RGS7: variants seen among roughly 807,000 people sequenced by gnomAD.
RGS7 encodes regulator of G-protein signaling 7.
Under a neutral mutation model 81.1 loss-of-function variants are expected in RGS7, and 27 were observed. That is an observed-to-expected ratio of 0.33 (90% CI 0.25 to 0.46). The LOEUF is 0.46. RGS7 is among the 20% of genes least tolerant of loss of function. RGS7 has a pLI of 1.00. For missense variants in RGS7, 396 were observed against 607.4 expected, an observed-to-expected ratio of 0.65 and a Z score of 3.66; for synonymous variants, 208 against 207.7, an observed-to-expected ratio of 1.00 and a Z score of -0.01.
At chr1:241,332,479 T>C (rs1301760925) in intron 2 of RGS7, among the ~76,000 whole-genome samples, 1 of 152,170 alleles carries the variant, frequency 6.6e-6, no homozygotes. Context: ...CAACCAAGAC[T>C]TCCTCCTGAA....
At chr1:240,858,023 C>G (rs1661471005) in intron 9 of RGS7, among the ~76,000 whole-genome samples, 1 of 152,178 alleles carries the variant, frequency 6.6e-6, no homozygotes, top group African/African-American at 2.4e-5. Context: ...CCCAACCATG[C>G]TGAACTGAGT....
At chr1:241,312,418 T>C (rs11589951) in intron 2 of RGS7, among the ~76,000 whole-genome samples, 23,389 of 152,160 alleles carry the variant, frequency 0.15, 1,901 homozygotes, top group South Asian at 0.21. Flanking sequence ...TCAGTGCCAT[T>C]TTCCCAACAA....
intron 2 of RGS7, among the ~76,000 whole-genome samples, chr1:241,216,277 AAAAT>A (rs1392452394): frequency 6.6e-6 from 1 of 152,178 alleles, no homozygotes; most frequent in African/African-American, 2.4e-5. Context: ...GTCTCAGAAA[AAAAT>A]AAATAAATAA....
At chr1:240,968,832 T>C (rs1682755143) in intron 4 of RGS7, among the ~76,000 whole-genome samples, 1 of 152,178 alleles carries the variant, frequency 6.6e-6, no homozygotes, top group South Asian at 2.1e-4. Context: ...TCTCCTATCA[T>C]TATTAGCTGT....
At chr1:240,791,741 G>A (rs773344469) in intron 18 of RGS7, among the ~76,000 whole-genome samples, 1 of 152,214 alleles carries the variant, frequency 6.6e-6, no homozygotes, top group East Asian at 1.9e-4. Flanking sequence ...ATTAACATAT[G>A]ACTCCACTTT....
At chr1:241,065,263 T>C (rs1033316560) in intron 3 of RGS7, among the ~76,000 whole-genome samples, 14 of 142,576 alleles carry the variant, frequency 9.8e-5, no homozygotes, top group Non-Finnish European at 1.9e-4. Context: ...AAGATATATC[T>C]GTAATAGAGA....
intron 2 of RGS7, among the ~76,000 whole-genome samples, chr1:241,169,970 C>T (rs918968776): frequency 6.6e-6 from 1 of 151,896 alleles, no homozygotes; most frequent in Non-Finnish European, 1.5e-5. Flanking sequence ...ACTCAGATCT[C>T]GGTGGGTATC....
intron 2 of RGS7, among the ~76,000 whole-genome samples, chr1:241,277,429 C>T (rs997994918): frequency 3.3e-5 from 5 of 152,070 alleles, no homozygotes; most frequent in Non-Finnish European, 5.9e-5. Context: ...ACCATCCTGG[C>T]TAACATGGTG....
At chr1:241,138,149 G>A (rs1558119410) in intron 2 of RGS7, among the ~76,000 whole-genome samples, 2 of 144,186 alleles carry the variant, frequency 1.4e-5, no homozygotes, top group East Asian at 2.0e-4. Flanking sequence ...TCCAGCCTGG[G>A]TAACAGAGCA....
intron 5 of RGS7, among the ~76,000 whole-genome samples, chr1:240,932,385 A>T (rs1364790289): frequency 6.6e-6 from 1 of 152,122 alleles, no homozygotes; most frequent in African/African-American, 2.4e-5. Context: ...TATCACCCCA[A>T]TCTCACTTGA....
chr1:240,793,611 A>ATATATTTT, intron 18 of RGS7, among the ~76,000 whole-genome samples: 5 of 78,814 alleles, frequency 6.3e-5, no homozygotes, highest in African/African-American at 2.9e-4. Context: ...ATATATATAT[A>ATATATTTT]TTTTTTTTTT....
intron 2 of RGS7, among the ~76,000 whole-genome samples, chr1:241,217,494 T>C (rs1044575963): frequency 1.3e-5 from 2 of 152,170 alleles, no homozygotes; most frequent in African/African-American, 4.8e-5. Flanking sequence ...TGGCAATTCA[T>C]TCTACTGGCA....
At chr1:241,256,983 A>G (rs1286283896) in intron 2 of RGS7, among the ~76,000 whole-genome samples, 1 of 151,442 alleles carries the variant, frequency 6.6e-6, no homozygotes, top group Non-Finnish European at 1.5e-5. Flanking sequence ...CTATATATAC[A>G]TATTGTATAT....
chr1:240,806,277 G>T lies in RGS7; in HGVS notation c.1132C>A (p.Pro378Thr). 4 of 1,613,960 alleles carry T rather than the reference G, an allele frequency of 2.5e-6. No homozygotes were observed. Among genetic ancestry groups the T allele is most frequent in the Non-Finnish European group, 3.4e-6 (4 of 1,179,944 alleles). The change falls in exon 15 of 19, where the codon CCC becomes ACC. Residue 378 changes from proline (P) to threonine (T), a missense_variant. Transcript: ENST00000440928. Reference sequence around the variant, plus strand: ...TGCCATATTTCCTGAACTCTTGAGGGTACTTCTTTAATAGGCCTCTTTTTC... The same window carrying T: ...TGCCATATTTCCTGAACTCTTGAGGTTACTTCTTTAATAGGCCTCTTTTTC... Reference protein sequence around the residue: ...DLKKRPIKEVPSRVQEIWQEF... With the variant: ...DLKKRPIKEVTSRVQEIWQEF...
chr1:240,969,865 T>C (rs998381022), intron 4 of RGS7, among the ~76,000 whole-genome samples: 2 of 152,252 alleles, frequency 1.3e-5, no homozygotes, highest in Non-Finnish European at 2.9e-5. Flanking sequence ...ATCCCTCGCC[T>C]GGAGCAGTGT....
At chr1:240,900,352 TGGA>T (rs1371509954) in intron 6 of RGS7, among the ~76,000 whole-genome samples, 2 of 152,222 alleles carry the variant, frequency 1.3e-5, no homozygotes, top group African/African-American at 2.4e-5. Context: ...TGCATTCCTT[TGGA>T]GGAGAAGAGG....
At position 240,868,589 on chromosome 1, in the gene RGS7, C is replaced by G. The variant is rs528606729; in HGVS notation, c.607G>C (p.Val203Leu). 2.5e-6 allele frequency: 4 copies of G among 1,613,856 alleles called. No homozygotes were observed. The highest frequency in any genetic ancestry group is 1.3e-5 in the African/African-American group (1 of 74,914). Residue 203 changes from valine (V) to leucine (L), a missense_variant and splice_region_variant, in exon 9 of 19, where the codon GTG becomes CTG. By Grantham distance (32) the Val-to-Leu change is conservative. Transcript: ENST00000440928. The surrounding 1 kb of genome is among the most constrained non-coding windows in gnomAD (Gnocchi z 5.1). ...ACGAGAGTGCGACGCTTGCTTACCA[C>G]GGGCCTGTGCACGTCCCAGAACGCT... ...ERAFWDVHRP[V>L]PGCVNTTEVD...
chr1:240,782,701 T>C (rs1245562085), intron 18 of RGS7, among the ~76,000 whole-genome samples: 2 of 152,146 alleles, frequency 1.3e-5, no homozygotes, highest in Non-Finnish European at 2.9e-5. Flanking sequence ...GGATTACAGG[T>C]ATGAGACACT....
Position 241,349,059 on chromosome 1 carries a change from T to C in RGS7, c.78+6640A>G, listed in dbSNP as rs138995257. Reference sequence around the variant, plus strand: ...AGGCATGTATTGGAAACCTAATATATACTAGGTTCTATGCAAGACATTTTC... The same window carrying C: ...AGGCATGTATTGGAAACCTAATATACACTAGGTTCTATGCAAGACATTTTC... On this transcript the variant is annotated intron_variant, in intron 2 of 18. Coordinates refer to ENST00000440928, the MANE Select transcript of RGS7 (RefSeq NM_001364886.1). Among the ~76,000 whole-genome samples, 833 of 152,312 alleles carry C rather than the reference T, an allele frequency of 5.5e-3. 2 individuals carry two copies. Among genetic ancestry groups the C allele is most frequent in the Admixed American group, 8.6e-3 (132 of 15,300 alleles).
Sources: gnomAD v4.1 joint callset for allele counts (sites outside exome capture counted in the v4.1 genomes callset) on GRCh38, gnomAD v4.1.1 for gene constraint, Gnocchi (gnomAD v3.1) non-coding constraint, MANE v1.5 for transcripts, NCBI Gene and HGNC (gene_info 2026-07-23, HGNC 2026-07-21) for gene names.